NEDD9: variants seen among roughly 807,000 people sequenced by gnomAD.
NEDD9 encodes the protein neural precursor cell expressed, developmentally down-regulated 9.
NEDD9 carries 26 observed loss-of-function variants against 76.6 expected under a neutral mutation model. The observed-to-expected ratio is 0.34, with a 90% CI of 0.25 to 0.47. The LOEUF is 0.47. NEDD9 is among the 20% of genes least tolerant of loss of function. NEDD9 has a pLI of 1.00. For missense variants in NEDD9, 937 were observed against 1,058.5 expected, an observed-to-expected ratio of 0.89 and a Z score of 1.59; for synonymous variants, 392 against 414.2, an observed-to-expected ratio of 0.95 and a Z score of 0.65.
chr6:11,295,665 G>A (rs1760872750), intron 3 of NEDD9, among the ~76,000 whole-genome samples: 1 of 152,172 alleles, frequency 6.6e-6, no homozygotes, highest in South Asian at 2.1e-4. Flanking sequence ...AGACAACATG[G>A]AAGGACATCC....
At chr6:11,288,923 G>T (rs528727288) in intron 3 of NEDD9, among the ~76,000 whole-genome samples, 2 of 152,294 alleles carry the variant, frequency 1.3e-5, no homozygotes, top group South Asian at 4.1e-4. Context: ...ACTAATTGCA[G>T]CCATTTTGTT....
Position 11,195,690 on chromosome 6 carries a change from C to T in NEDD9, c.460-1998G>A, listed in dbSNP as rs558610646. Among the ~76,000 whole-genome samples the T allele has an allele frequency of 4.6e-5, 7 of 152,272 alleles. No individual in the cohort carries two copies. The East Asian group carries it at 1.3e-3, about 29-fold the overall frequency. Reference sequence around the variant, plus strand: ...AAGTCCAGCTTAACTGTTCATCTTTCGTTTAAAAAACAGAAGCGGGCATGT... The same window carrying T: ...AAGTCCAGCTTAACTGTTCATCTTTTGTTTAAAAAACAGAAGCGGGCATGT... On this transcript the variant is annotated intron_variant, in intron 2 of 6. Coordinates refer to ENST00000379446, the MANE Select transcript of NEDD9 (RefSeq NM_006403.4).
rs1433171854 is a variant in NEDD9, at chr6:11,335,156, C to A, written c.-213-595G>T. On this transcript the variant is annotated intron_variant, in intron 1 of 3. Coordinates refer to the NEDD9 transcript ENST00000397378. ...AAAAATCACCATTTGGTGGTGTTGT[C>A]TTTTCTTATTCCACACAACAACAAT... Among the ~76,000 whole-genome samples, 3 of 152,186 alleles carry A rather than the reference C, an allele frequency of 2.0e-5. No individual in the cohort carries two copies. In the East Asian group the frequency reaches 5.8e-4, roughly 29 times the overall value.
chr6:11,246,300 T>C (rs867939367), intron 3 of NEDD9, among the ~76,000 whole-genome samples: 11 of 152,094 alleles, frequency 7.2e-5, no homozygotes, highest in South Asian at 4.2e-4. Context: ...TTGCCTCAGG[T>C]TGAGAGAGTT....
intron 2 of NEDD9, among the ~76,000 whole-genome samples, chr6:11,327,545 G>A (rs538687504): frequency 6.6e-6 from 1 of 152,372 alleles, no homozygotes; most frequent in South Asian, 2.1e-4. Flanking sequence ...TCTGGAGGTT[G>A]AAAGCCACGT....
chr6:11,323,288 C>T (rs1239706971), intron 2 of NEDD9, among the ~76,000 whole-genome samples: 2 of 152,244 alleles, frequency 1.3e-5, no homozygotes, highest in African/African-American at 4.8e-5. Flanking sequence ...CCAGGCCTTA[C>T]TAACTTGCCC....
chr6:11,308,210 G>T (rs1342175015), intron 2 of NEDD9, among the ~76,000 whole-genome samples: 7 of 152,046 alleles, frequency 4.6e-5, no homozygotes, highest in Non-Finnish European at 8.8e-5. Context: ...CAGGGCTGGG[G>T]CATAAGGGTA....
intron 5 of NEDD9, among the ~76,000 whole-genome samples, chr6:11,188,861 C>T (rs1758049188): frequency 6.6e-6 from 1 of 152,086 alleles, no homozygotes; most frequent in African/African-American, 2.4e-5. Context: ...TTACGTAGTT[C>T]TCAGTATAAT....
chr6:11,325,928 C>A (rs1761916362), intron 2 of NEDD9, among the ~76,000 whole-genome samples: 1 of 152,112 alleles, frequency 6.6e-6, no homozygotes, highest in South Asian at 2.1e-4. Flanking sequence ...GGCGGATCAC[C>A]TGAGGCCAGG....
At position 11,284,391 on chromosome 6, in the gene NEDD9, T is replaced by TA. The variant is rs1168452567; in HGVS notation, c.12+21600dup. Among the ~76,000 whole-genome samples the TA allele has an allele frequency of 6.3e-3, 441 of 70,208 alleles. 4 individuals carry two copies. Among genetic ancestry groups the TA allele is most frequent in the East Asian group, 8.2e-3 (20 of 2,436 alleles). 46.1% of individuals were successfully genotyped at this position (70,208 alleles called of 152,430 possible). ...TAACACGGTGAAACCCCGTCTCTAC[T>TA]AAAAAAAAAAAAAAAAAAAAAAAAA... On this transcript the variant is annotated intron_variant, in intron 3 of 3. Coordinates refer to the NEDD9 transcript ENST00000397378.
intron 1 of NEDD9, among the ~76,000 whole-genome samples, chr6:11,367,953 T>C (rs1011671895): frequency 2.6e-5 from 4 of 152,246 alleles, no homozygotes; most frequent in Non-Finnish European, 5.9e-5. Context: ...ACCTTGGTTC[T>C]TAAAAGGGCT....
At chr6:11,341,926 A>G (rs1220684840) in intron 1 of NEDD9, among the ~76,000 whole-genome samples, 1 of 152,176 alleles carries the variant, frequency 6.6e-6, no homozygotes, top group Admixed American at 6.5e-5. Context: ...TATATTCAAA[A>G]AATATATTAA....
intron 1 of NEDD9, among the ~76,000 whole-genome samples, chr6:11,373,113 C>A (rs533554772): frequency 6.6e-6 from 1 of 151,672 alleles, no homozygotes; most frequent in South Asian, 2.1e-4. Context: ...AATCAAACAC[C>A]TTCGTTAAGT....
chr6:11,329,689 A>C (rs576523631), intron 2 of NEDD9, among the ~76,000 whole-genome samples: 1 of 151,948 alleles, frequency 6.6e-6, no homozygotes, highest in Admixed American at 6.6e-5. Context: ...GCTCCAGCCA[A>C]CTTCAGTGTA....
At chr6:11,189,181 G>A (rs1170929627) in intron 5 of NEDD9, among the ~76,000 whole-genome samples, 1 of 152,188 alleles carries the variant, frequency 6.6e-6, no homozygotes, top group Non-Finnish European at 1.5e-5. Context: ...TCCTGACCTT[G>A]TGATCCACCT....
In NEDD9 at chr6:11,190,268, A is replaced by G; in HGVS notation, c.1601T>C (p.Val534Ala). 6.2e-7 allele frequency: 1 copy of G among 1,614,242 alleles called. No homozygotes were observed. Among genetic ancestry groups the G allele is most frequent in the Non-Finnish European group, 8.5e-7 (1 of 1,180,050 alleles). Residue 534 changes from valine (V) to alanine (A), a missense_variant, in exon 5 of 7, where the codon GTG becomes GCG. Val to Ala is a moderately conservative substitution (Grantham distance 64). Coordinates refer to ENST00000379446, the MANE Select transcript of NEDD9 (RefSeq NM_006403.4). This position sits in a 1 kb window ranked among gnomAD's most constrained non-coding sequence, Gnocchi z 5.8. ...KCDDLDRFVMVAKTVPDDAKQ... is the reference protein window; with the variant it reads ...KCDDLDRFVMAAKTVPDDAKQ... ...GGCGTCATCGGGCACCGTCTTTGCC[A>G]CCATCACAAACCGGTCCAGATCGTC...
intron 1 of NEDD9, among the ~76,000 whole-genome samples, chr6:11,336,372 T>A (rs183008936): frequency 9.3e-4 from 142 of 152,364 alleles, no homozygotes; most frequent in South Asian, 6.0e-3. Flanking sequence ...TTATTTGGTC[T>A]AGCCTATTGC....
chr6:11,250,861 T>C (rs1460134384), intron 3 of NEDD9, among the ~76,000 whole-genome samples: 1 of 152,204 alleles, frequency 6.6e-6, no homozygotes, highest in Non-Finnish European at 1.5e-5. Flanking sequence ...ATGATTCTTT[T>C]TACTGACTTC....
chr6:11,336,223 T>G (rs1427709470), intron 1 of NEDD9, among the ~76,000 whole-genome samples: 1 of 152,206 alleles, frequency 6.6e-6, no homozygotes, highest in Non-Finnish European at 1.5e-5. Context: ...TATACTATAG[T>G]GATATAATTA....
Sources: gnomAD v4.1 joint callset for allele counts (sites outside exome capture counted in the v4.1 genomes callset) on GRCh38, gnomAD v4.1.1 for gene constraint, Gnocchi (gnomAD v3.1) non-coding constraint, MANE v1.5 for transcripts, NCBI Gene and HGNC (gene_info 2026-07-23, HGNC 2026-07-21) for gene names.